Variants in NEK11 observed in about 807,000 individuals in gnomAD.
NEK11 encodes the protein serine/threonine-protein kinase Nek11.
Under a neutral mutation model 80.7 loss-of-function variants are expected in NEK11, and 72 were observed. The observed-to-expected ratio is 0.89, with a 90% CI of 0.74 to 1.08. NEK11 has a LOEUF of 1.08. Ranked by LOEUF, NEK11 falls within the 50% of genes least tolerant of loss-of-function variation. The pLI is 0.00. For missense variants in NEK11, 764 were observed against 763.6 expected (o/e 1.00, Z -0.01); for synonymous variants, 251 against 260.7 (o/e 0.96, Z 0.36).
At chr3:131,097,056 A>G (rs576449700) in intron 4 of NEK11, among the ~76,000 whole-genome samples, 1 of 151,734 alleles carries the variant, frequency 6.6e-6, no homozygotes, top group East Asian at 2.0e-4. Context: ...CCTACAAAGG[A>G]CATGAACTCA....
intron 16 of NEK11, among the ~76,000 whole-genome samples, chr3:131,245,459 G>A (rs1561175117): frequency 6.6e-6 from 1 of 151,904 alleles, no homozygotes; most frequent in East Asian, 1.9e-4. Context: ...TTTTCCTTTG[G>A]GTATATACCC....
At chr3:131,118,768 T>G (rs2081787818) in intron 5 of NEK11, among the ~76,000 whole-genome samples, 1 of 152,212 alleles carries the variant, frequency 6.6e-6, no homozygotes, top group African/African-American at 2.4e-5. Context: ...GTAGAGGTGT[T>G]TATAGTATTC....
At chr3:131,132,206 G>A (rs1032079461) in intron 5 of NEK11, among the ~76,000 whole-genome samples, 2 of 151,026 alleles carry the variant, frequency 1.3e-5, no homozygotes, top group African/African-American at 2.4e-5. Flanking sequence ...TACTTTATTC[G>A]GCATTTTAGT....
chr3:131,232,631 C>A (rs2095352607), intron 15 of NEK11, among the ~76,000 whole-genome samples: 1 of 152,140 alleles, frequency 6.6e-6, no homozygotes, highest in South Asian at 2.1e-4. Context: ...TTTTGAAATT[C>A]TTAGGAAAAA....
chr3:131,125,612 G>A (rs1167679491), intron 5 of NEK11, among the ~76,000 whole-genome samples: 6 of 152,102 alleles, frequency 3.9e-5, no homozygotes, highest in Non-Finnish European at 7.4e-5. Flanking sequence ...TAACCTGAGT[G>A]TAAGCATTAT....
At chr3:131,181,745 C>CAAAA (rs58463955) in intron 14 of NEK11, among the ~76,000 whole-genome samples, 47 of 82,892 alleles carry the variant, frequency 5.7e-4, no homozygotes, top group Middle Eastern at 7.7e-3. Context: ...GACTCCGCCT[C>CAAAA]AAAAAAAAAA....
At chr3:131,337,534 G>A (rs1168163627) in intron 17 of NEK11, among the ~76,000 whole-genome samples, 2 of 151,764 alleles carry the variant, frequency 1.3e-5, no homozygotes. Context: ...GTTAATGGGT[G>A]CAGCACACCA....
At chr3:131,058,065 A>G (rs1481801040) in intron 3 of NEK11, among the ~76,000 whole-genome samples, 10 of 151,652 alleles carry the variant, frequency 6.6e-5, no homozygotes, top group African/African-American at 1.7e-4. Flanking sequence ...TAATTTTTGT[A>G]TAAGGTGTAA....
chr3:131,218,526 T>A (rs2094917857), intron 14 of NEK11, among the ~76,000 whole-genome samples: 2 of 151,842 alleles, frequency 1.3e-5, no homozygotes, highest in South Asian at 4.1e-4. Context: ...GAATAGAGTA[T>A]CTGTGTGCTG....
At chr3:131,068,432 C>T (rs1266050029) in intron 3 of NEK11, among the ~76,000 whole-genome samples, 1 of 152,226 alleles carries the variant, frequency 6.6e-6, no homozygotes, top group African/African-American at 2.4e-5. Context: ...TCAAGTATCA[C>T]ACTTTTTGAT....
intron 4 of NEK11, among the ~76,000 whole-genome samples, chr3:131,095,991 TAGAG>T (rs1214308900): frequency 3.9e-5 from 6 of 152,168 alleles, no homozygotes; most frequent in Non-Finnish European, 7.4e-5. Context: ...GCTTTTTAAA[TAGAG>T]AGAACTGTTT....
At chr3:131,236,017 G>C (rs1580664663) in intron 15 of NEK11, among the ~76,000 whole-genome samples, 1 of 152,198 alleles carries the variant, frequency 6.6e-6, no homozygotes, top group East Asian at 1.9e-4. Flanking sequence ...CACTTACTCT[G>C]TGGGATTTAA....
chr3:131,238,047 C>T lies in NEK11; in HGVS notation c.1561-5389C>T, dbSNP rs114916506. 9.2e-3 allele frequency among the ~76,000 whole-genome samples: 1,407 copies of T among 152,284 alleles called. 18 individuals are homozygous for T. The highest frequency in any genetic ancestry group is 0.03 in the African/African-American group (1,247 of 41,556). ...ATGAGAATTGTCCTCACTCACTCCA[C>T]CCTTCCAGTTTCTGGAACACACCAA... On this transcript the variant is annotated intron_variant, in intron 15 of 17. Coordinates refer to ENST00000383366, the MANE Select transcript of NEK11 (RefSeq NM_024800.5).
intron 14 of NEK11, among the ~76,000 whole-genome samples, chr3:131,227,009 CTCA>C (rs2095220039): frequency 6.6e-6 from 1 of 151,400 alleles, no homozygotes; most frequent in African/African-American, 2.4e-5. Context: ...AGTATTCTAT[CTCA>C]TCTGTTGCTC....
chr3:131,104,685 G>A (rs1264325708), intron 4 of NEK11, among the ~76,000 whole-genome samples: 2 of 152,186 alleles, frequency 1.3e-5, no homozygotes, highest in Admixed American at 1.3e-4. Flanking sequence ...GCACGAGAGA[G>A]CCTGAGCTCC....
chr3:131,245,683 T>A (rs185601129), intron 16 of NEK11, among the ~76,000 whole-genome samples: 129 of 152,270 alleles, frequency 8.5e-4, no homozygotes, highest in African/African-American at 2.8e-3. Flanking sequence ...TGCATTTATC[T>A]GATGATTAGT....
At chr3:131,260,816 G>C (rs1382741210) in intron 16 of NEK11, among the ~76,000 whole-genome samples, 1 of 152,132 alleles carries the variant, frequency 6.6e-6, no homozygotes, top group African/African-American at 2.4e-5. Flanking sequence ...AGCAAGACGA[G>C]GGTTAAAGAT....
intron 3 of NEK11, among the ~76,000 whole-genome samples, chr3:131,048,921 C>T (rs1260622111): frequency 1.3e-5 from 2 of 152,182 alleles, no homozygotes; most frequent in Admixed American, 1.3e-4. Flanking sequence ...AGCTTCTCTT[C>T]TGAGCTCTTG....
chr3:131,349,520 T>A, intron 17 of NEK11, 37 bp from the exon 18 acceptor site: 1 of 1,537,468 alleles, frequency 6.5e-7, no homozygotes, highest in Non-Finnish European at 9.0e-7. Context: ...GATCTTAATG[T>A]GTAACTCTTT....
Sources: gnomAD v4.1 joint callset for allele counts (sites outside exome capture counted in the v4.1 genomes callset) on GRCh38, gnomAD v4.1.1 for gene constraint, MANE v1.5 for transcripts, NCBI Gene and HGNC (gene_info 2026-07-23, HGNC 2026-07-21) for gene names.